FOXP1: variants seen among roughly 807,000 people sequenced by gnomAD.
The protein encoded by FOXP1 is forkhead box protein P1.
FOXP1 carries 15 observed loss-of-function variants against 98.2 expected under a neutral mutation model. That is an observed-to-expected ratio of 0.15 (90% CI 0.10 to 0.24). The LOEUF (loss-of-function observed/expected upper bound fraction) is 0.24, where lower values mean the gene tolerates loss of function less well. Among genes scored for constraint, FOXP1 ranks in the 10% least tolerant of loss-of-function variants. FOXP1 has a pLI of 1.00. For missense variants in FOXP1, 633 were observed against 848.5 expected, an observed-to-expected ratio of 0.75 and a Z score of 3.15; for synonymous variants, 371 against 314.5, an observed-to-expected ratio of 1.18 and a Z score of -1.90.
At chr3:71,325,453 T>C (rs1459526431) in intron 4 of FOXP1, among the ~76,000 whole-genome samples, 1 of 150,546 alleles carries the variant, frequency 6.6e-6, no homozygotes, top group Non-Finnish European at 1.5e-5. Context: ...TCTCATGCCC[T>C]AAAGTATGCC....
At chr3:71,412,634 C>A (rs965156350) in intron 3 of FOXP1, among the ~76,000 whole-genome samples, 1 of 152,128 alleles carries the variant, frequency 6.6e-6, no homozygotes, top group African/African-American at 2.4e-5. Context: ...AAACCTTGTC[C>A]TTGGGTAAGT....
chr3:71,156,638 G>C (rs2060837127), intron 6 of FOXP1, among the ~76,000 whole-genome samples: 1 of 152,228 alleles, frequency 6.6e-6, no homozygotes, highest in African/African-American at 2.4e-5. Flanking sequence ...TGGTGCAGGG[G>C]AAAACAGAGG....
chr3:71,112,442 A>G (rs902321972), intron 7 of FOXP1, 94 bp downstream of exon 7: 1 of 1,007,916 alleles, frequency 9.9e-7, no homozygotes, highest in Non-Finnish European at 1.6e-6. Flanking sequence ...ATTTTCTTAC[A>G]TGATTTGCAA....
At chr3:71,353,261 T>C (rs2077918296) in intron 4 of FOXP1, among the ~76,000 whole-genome samples, 2 of 152,220 alleles carry the variant, frequency 1.3e-5, no homozygotes, top group African/African-American at 4.8e-5. Context: ...ACCAGGGTAT[T>C]GAGAAGAGGG....
In FOXP1 at chr3:71,198,197, A is replaced by T. The variant is rs753853097; in HGVS notation, c.180+5T>A. The T allele has an allele frequency of 1.9e-6, 3 of 1,614,010 alleles. No homozygotes were observed. Among genetic ancestry groups the T allele is most frequent in the African/African-American group, 2.7e-5 (2 of 74,938 alleles). On this transcript the variant is annotated splice_donor_5th_base_variant and intron_variant, in intron 6 of 20. Transcript: ENST00000649528. Reference sequence around the variant, plus strand: ...TCCACCTCCCAAGACTCCAAAGCCCAGTACCTGTTGCTGCTGCTGCTGGGC... The same window carrying T: ...TCCACCTCCCAAGACTCCAAAGCCCTGTACCTGTTGCTGCTGCTGCTGGGC...
intron 11 of FOXP1, among the ~76,000 whole-genome samples, chr3:71,038,659 T>C (rs1280002207): frequency 6.6e-6 from 1 of 151,972 alleles, no homozygotes; most frequent in Non-Finnish European, 1.5e-5. Flanking sequence ...AACTAATCAT[T>C]GCTTTTTTTT....
chr3:71,189,374 C>T (rs2062834511), intron 6 of FOXP1, among the ~76,000 whole-genome samples: 1 of 152,176 alleles, frequency 6.6e-6, no homozygotes, highest in African/African-American at 2.4e-5. Flanking sequence ...AAGATGTATT[C>T]ATTAGTAACT....
In FOXP1 at chr3:71,548,764, AC is replaced by A. The variant is rs999619087; in HGVS notation, c.-298+32784del. Among the ~76,000 whole-genome samples, 12 of 147,968 alleles carry A rather than the reference AC, an allele frequency of 8.1e-5. No homozygotes were observed. The East Asian group carries it at 2.5e-3, about 30-fold the overall frequency. ...CCCCCTGAAACCAGACTTGGCCTTTACCCCCCCAAAAGAAATGAGATGAAGT... is the reference window on the plus strand; with the variant it reads ...CCCCCTGAAACCAGACTTGGCCTTTACCCCCCAAAAGAAATGAGATGAAGT... On this transcript the variant is annotated intron_variant, in intron 2 of 20. Coordinates refer to ENST00000649528, the MANE Select transcript of FOXP1 (RefSeq NM_001349338.3).
At chr3:71,082,858 C>T (rs2054598432) in intron 7 of FOXP1, among the ~76,000 whole-genome samples, 1 of 152,140 alleles carries the variant, frequency 6.6e-6, no homozygotes, top group African/African-American at 2.4e-5. Context: ...TTCCGCTAAC[C>T]AGCTGACTGG....
chr3:71,257,937 T>C (rs746044430), intron 5 of FOXP1, among the ~76,000 whole-genome samples: 1 of 152,190 alleles, frequency 6.6e-6, no homozygotes. Flanking sequence ...ATAAGCTACT[T>C]GGCAGGAGCA....
chr3:71,562,577 G>A (rs1447916420), intron 2 of FOXP1, among the ~76,000 whole-genome samples: 1 of 152,146 alleles, frequency 6.6e-6, no homozygotes, highest in African/African-American at 2.4e-5. Flanking sequence ...CTTAGGATAT[G>A]ACAGACACTG....
chr3:71,042,691 C>T (rs1443352562), intron 10 of FOXP1, among the ~76,000 whole-genome samples: 1 of 152,112 alleles, frequency 6.6e-6, no homozygotes, highest in Non-Finnish European at 1.5e-5. Flanking sequence ...GACTATATAG[C>T]AGCAGCTGAA....
chr3:71,031,710 C>T (rs1441380073), intron 11 of FOXP1, among the ~76,000 whole-genome samples: 7 of 152,010 alleles, frequency 4.6e-5, no homozygotes, highest in Non-Finnish European at 1.0e-4. Context: ...AAATAGTTTT[C>T]ACAATGGAAA....
chr3:71,439,286 C>T (rs1489795355), intron 3 of FOXP1, among the ~76,000 whole-genome samples: 2 of 152,158 alleles, frequency 1.3e-5, no homozygotes, highest in East Asian at 1.9e-4. Context: ...TCCTGAAAAC[C>T]TTTCTGTGTG....
chr3:71,262,794 C>T (rs1224117069), intron 5 of FOXP1, among the ~76,000 whole-genome samples: 1 of 152,140 alleles, frequency 6.6e-6, no homozygotes, highest in Non-Finnish European at 1.5e-5. Flanking sequence ...GGTGGTTACC[C>T]TAGTATTGTG....
chr3:71,363,869 C>A (rs1173990360), intron 3 of FOXP1, among the ~76,000 whole-genome samples: 2 of 152,170 alleles, frequency 1.3e-5, no homozygotes, highest in African/African-American at 4.8e-5. Flanking sequence ...GCCTCTGGCA[C>A]CCTGCCTAAT....
At chr3:71,434,631 GGT>G (rs55643841) in intron 3 of FOXP1, among the ~76,000 whole-genome samples, 1,540 of 142,216 alleles carry the variant, frequency 0.011, 26 homozygotes, top group African/African-American at 0.034. Flanking sequence ...GAGGGGATGG[GGT>G]GTGTGTGTGT....
intron 6 of FOXP1, among the ~76,000 whole-genome samples, chr3:71,166,891 C>T (rs146625268): frequency 6.6e-6 from 1 of 152,122 alleles, no homozygotes; most frequent in East Asian, 1.9e-4. Flanking sequence ...TGTGCATTCC[C>T]ATCATGCTCC....
chr3:71,146,865 G>A (rs774547715), intron 6 of FOXP1, among the ~76,000 whole-genome samples: 7 of 152,196 alleles, frequency 4.6e-5, no homozygotes, highest in African/African-American at 7.2e-5. Flanking sequence ...CCCAGGGGCT[G>A]TGCCCTCCTC....
Sources: allele counts gnomAD v4.1 joint callset (sites outside exome capture counted in the v4.1 genomes callset), GRCh38; gene constraint gnomAD v4.1.1; transcripts MANE v1.5; gene names NCBI Gene and HGNC (gene_info 2026-07-23, HGNC 2026-07-21).